NAV3: variants seen among roughly 807,000 people sequenced by gnomAD.
NAV3 encodes neuron navigator 3.
A neutral mutation model predicts 244.7 loss-of-function variants in NAV3; 87 were observed. The observed-to-expected ratio is 0.36, with a 90% CI of 0.30 to 0.42. The LOEUF (loss-of-function observed/expected upper bound fraction) is 0.42, where lower values mean the gene tolerates loss of function less well. Among genes scored for constraint, NAV3 ranks in the 20% least tolerant of loss-of-function variants. The pLI is 1.00. For synonymous variants in NAV3, 1,126 were observed against 1,042.2 expected (o/e 1.08, Z -1.55); for missense variants, 2,663 against 2,893.3 (o/e 0.92, Z 1.83).
intron 2 of NAV3, among the ~76,000 whole-genome samples, chr12:77,804,136 G>C (rs185518069): frequency 1.3e-5 from 2 of 152,204 alleles, no homozygotes; most frequent in East Asian, 3.9e-4. Flanking sequence ...TTGTTTTGCT[G>C]TGCAGAAGCA....
intron 12 of NAV3, among the ~76,000 whole-genome samples, chr12:78,112,309 TA>T (rs758570882): frequency 2.0e-5 from 3 of 152,224 alleles, no homozygotes; most frequent in Non-Finnish European, 4.4e-5. Flanking sequence ...TAGGTGTTCG[TA>T]AGAGAGTCTG....
rs1956036790 is a variant in NAV3, at chr12:78,128,765, A to T, written c.4340A>T (p.His1447Leu). The change falls in exon 18 of 40, where the codon CAT becomes CTT. Residue 1447 changes from histidine to leucine, a missense_variant. By Grantham distance (99) the His-to-Leu change is moderately conservative. This residue lies in a region of NAV3 where 354 missense variants were observed against 413.0 expected (regional missense o/e 0.86). Transcript: ENST00000397909. ...GAGGGCAAAGAGTGGTTGCGTTCTC[A>T]TTCTACTGGAGGGCTTCAGGACACT... ...QEEGKEWLRSHSTGGLQDTGN... is the reference protein window; with the variant it reads ...QEEGKEWLRSLSTGGLQDTGN... The T allele has an allele frequency of 6.2e-7, 1 of 1,614,024 alleles. No homozygotes were observed. Among genetic ancestry groups the T allele is most frequent in the Non-Finnish European group, 8.5e-7 (1 of 1,179,960 alleles).
intron 12 of NAV3, among the ~76,000 whole-genome samples, chr12:78,067,830 G>C (rs1054814050): frequency 6.6e-6 from 1 of 152,012 alleles, no homozygotes; most frequent in East Asian, 1.9e-4. Context: ...ATTATAGAAT[G>C]ATTCTCCCAA....
Position 77,831,830 on chromosome 12 carries a change from A to G in NAV3, c.243+126A>G, listed in dbSNP as rs906260218. ...TACCAGTGTAAGGATGTAAGTAGTT[A>G]TAATGGCTGAAAAGCTGAATATTTA... On this transcript the variant is annotated intron_variant, in intron 1 of 39. Coordinates refer to ENST00000397909, the MANE Select transcript of NAV3 (RefSeq NM_001024383.2). 3.7e-6 allele frequency: 4 copies of G among 1,066,770 alleles called. No homozygotes were observed. The African/African-American group carries it at 6.4e-5, about 17-fold the overall frequency. 66.1% of individuals were successfully genotyped at this position (1,066,770 alleles called of 1,614,324 possible). A position where few individuals can be genotyped will look rare whatever the true frequency, so the allele number is the denominator to read the frequency against.
chr12:77,990,186 AC>A (rs1395049030), intron 5 of NAV3, among the ~76,000 whole-genome samples: 1 of 152,196 alleles, frequency 6.6e-6, no homozygotes, highest in African/African-American at 2.4e-5. Context: ...AGAAGGCTTT[AC>A]TCAGTTGCTG....
At chr12:77,613,993 A>C (rs552174931) in intron 2 of NAV3, among the ~76,000 whole-genome samples, 12 of 151,436 alleles carry the variant, frequency 7.9e-5, no homozygotes, top group Admixed American at 2.0e-4. Flanking sequence ...ATTGTCTTTC[A>C]ACACATATGG....
chr12:77,633,809 C>T (rs1872029318), intron 2 of NAV3, among the ~76,000 whole-genome samples: 1 of 152,090 alleles, frequency 6.6e-6, no homozygotes, highest in Admixed American at 6.6e-5. Flanking sequence ...AATATACTCA[C>T]TTTATTTGGA....
chr12:77,577,326 C>A (rs1023351541), intron 2 of NAV3, among the ~76,000 whole-genome samples: 2 of 152,146 alleles, frequency 1.3e-5, no homozygotes, highest in Non-Finnish European at 2.9e-5. Context: ...AAACTTCTTT[C>A]TCAGATTTGA....
At position 78,199,434 on chromosome 12, in the gene NAV3, C is replaced by T. The variant is rs779242222; in HGVS notation, c.6618C>T (p.Arg2206=). The change falls in exon 37 of 40, where the codon CGC becomes CGT. Residue 2206 remains arginine (R), a synonymous_variant. Coordinates refer to ENST00000397909, the MANE Select transcript of NAV3 (RefSeq NM_001024383.2). ...AGATAGAAATTGAAAGGAACATTCG[C>T]AATAATGACCTAGTCAAAATTATAG... The part of the protein sequence containing the change: ...LIEIEIERNI[R]NNDLVKIIDW... 24 of 1,610,072 alleles carry T rather than the reference C, an allele frequency of 1.5e-5. No homozygotes were observed. The Middle Eastern group carries it at 8.3e-4, about 56-fold the overall frequency.
At chr12:78,096,746 A>G (rs143251666) in intron 12 of NAV3, among the ~76,000 whole-genome samples, 1 of 152,300 alleles carries the variant, frequency 6.6e-6, no homozygotes, top group East Asian at 1.9e-4. Flanking sequence ...TATGAGAGCT[A>G]CAATTCAAGA....
chr12:78,027,702 C>G (rs898033230), intron 9 of NAV3, among the ~76,000 whole-genome samples: 4 of 152,146 alleles, frequency 2.6e-5, no homozygotes, highest in Non-Finnish European at 5.9e-5. Flanking sequence ...TGTATCTTTT[C>G]CATGCACACC....
chr12:77,635,298 A>G (rs939858262), intron 2 of NAV3, among the ~76,000 whole-genome samples: 1 of 152,072 alleles, frequency 6.6e-6, no homozygotes, highest in Non-Finnish European at 1.5e-5. Context: ...GTGCTCAAGC[A>G]ATCTCCCTAT....
intron 1 of NAV3, among the ~76,000 whole-genome samples, chr12:77,903,169 A>G (rs1885522677): frequency 6.6e-6 from 1 of 152,210 alleles, no homozygotes; most frequent in African/African-American, 2.4e-5. Flanking sequence ...GAACCAAAAC[A>G]GAGCCCGCAT....
chr12:77,668,949 T>C (rs1873840252), intron 2 of NAV3, among the ~76,000 whole-genome samples: 1 of 152,166 alleles, frequency 6.6e-6, no homozygotes, highest in Admixed American at 6.5e-5. Context: ...ACAGCAGATT[T>C]CTCAAAAGAA....
chr12:78,000,246 G>C (rs557858977), intron 7 of NAV3, among the ~76,000 whole-genome samples: 1 of 152,202 alleles, frequency 6.6e-6, no homozygotes, highest in East Asian at 1.9e-4. Context: ...GGTGGAGACA[G>C]ATGTCGTGTA....
intron 22 of NAV3, among the ~76,000 whole-genome samples, chr12:78,151,144 A>T (rs1339031608): frequency 6.6e-6 from 1 of 152,084 alleles, no homozygotes; most frequent in Non-Finnish European, 1.5e-5. Context: ...GTGTTAATTT[A>T]AAAAGTGCTA....
At chr12:77,646,723 A>G (rs960971909) in intron 2 of NAV3, among the ~76,000 whole-genome samples, 2 of 152,080 alleles carry the variant, frequency 1.3e-5, no homozygotes, top group Non-Finnish European at 2.9e-5. Flanking sequence ...TGTGCAGGAT[A>G]GGAGGGTCAC....
At chr12:77,782,236 T>G (rs572668772) in intron 2 of NAV3, among the ~76,000 whole-genome samples, 1 of 151,486 alleles carries the variant, frequency 6.6e-6, no homozygotes, top group East Asian at 2.0e-4. Context: ...CTCATGAAAT[T>G]CCTCCCCTCT....
chr12:78,198,706 TG>T (rs1429801122), intron 36 of NAV3, 30 bp downstream of exon 36: 13 of 1,357,246 alleles, frequency 9.6e-6, no homozygotes, highest in South Asian at 1.2e-5. Context: ...TTTTTTGTTT[TG>T]TTTTTTTGTT....
Sources: allele counts gnomAD v4.1 joint callset (sites outside exome capture counted in the v4.1 genomes callset), GRCh38; gene constraint gnomAD v4.1.1; regional missense constraint gnomAD v4.1.1; transcripts MANE v1.5; gene names NCBI Gene and HGNC (gene_info 2026-07-23, HGNC 2026-07-21).